Variants in NEK1 observed in about 807,000 individuals in gnomAD.
NEK1 encodes the protein NIMA related kinase 1.
In NEK1, 137 loss-of-function variants were observed where a neutral mutation model predicts 182.1. The observed-to-expected ratio is 0.75, with a 90% CI of 0.65 to 0.87. The LOEUF (loss-of-function observed/expected upper bound fraction) is 0.87. Among genes scored for constraint, NEK1 ranks in the 40% least tolerant of loss-of-function variants. NEK1 has a pLI of 0.00. For missense variants in NEK1, 1,391 were observed against 1,494.4 expected (o/e 0.93, Z 1.14); for synonymous variants, 513 against 492.2 (o/e 1.04, Z -0.56).
Position 169,588,710 on chromosome 4 carries a change from T to G in NEK1, c.490A>C (p.Ile164Leu). 6.5e-7 allele frequency: 1 copy of G among 1,549,960 alleles called. No individual in the cohort carries two copies. ...NSTVELARTC[I>L]GTPYYLSPEI... ...GGTGACAAGTAGTATGGGGTCCCTA[T>G]GCAAGTTCGAGCCAGCTCTACAGTA... Residue 164 changes from isoleucine to leucine, a missense_variant, in exon 8 of 36, where the codon ATA becomes CTA. Ile to Leu is a conservative substitution (Grantham distance 5). This residue lies in a region of NEK1 where 14 missense variants were observed against 34.5 expected (regional missense o/e 0.41). Coordinates refer to ENST00000507142, the MANE Select transcript of NEK1 (RefSeq NM_001199397.3).
At chr4:169,557,762 A>G (rs753579644) in intron 16 of NEK1, among the ~76,000 whole-genome samples, 13 of 151,974 alleles carry the variant, frequency 8.6e-5, no homozygotes, top group Non-Finnish European at 1.8e-4. Flanking sequence ...GCGAAACAAC[A>G]TCCCTGCAAA....
At chr4:169,550,589 G>A (rs1761279679) in intron 18 of NEK1, among the ~76,000 whole-genome samples, 1 of 152,124 alleles carries the variant, frequency 6.6e-6, no homozygotes, top group African/African-American at 2.4e-5. Flanking sequence ...ATGATTAAAT[G>A]AGTTAATAAT....
At chr4:169,481,815 G>A (rs953435290) in intron 23 of NEK1, among the ~76,000 whole-genome samples, 3 of 152,174 alleles carry the variant, frequency 2.0e-5, no homozygotes, top group Admixed American at 6.5e-5. Context: ...CCCAACAAGA[G>A]AGTCAGCCAG....
At chr4:169,562,609 G>C (rs980893985) in intron 12 of NEK1, among the ~76,000 whole-genome samples, 2 of 152,036 alleles carry the variant, frequency 1.3e-5, no homozygotes, top group Non-Finnish European at 2.9e-5. Context: ...CACCTCCAGA[G>C]TAACGGTAAC....
intron 27 of NEK1, among the ~76,000 whole-genome samples, chr4:169,462,663 C>T (rs1357611601): frequency 2.6e-5 from 4 of 152,070 alleles, no homozygotes; most frequent in African/African-American, 9.7e-5. Flanking sequence ...AACACACACT[C>T]CTGCCTAGAC....
intron 28 of NEK1, among the ~76,000 whole-genome samples, chr4:169,437,416 G>A (rs1738618810): frequency 6.6e-6 from 1 of 152,100 alleles, no homozygotes; most frequent in African/African-American, 2.4e-5. Context: ...TTTGGTCAGA[G>A]GGCAGACTAT....
At chr4:169,607,608 G>A (rs1291574697) in intron 2 of NEK1, among the ~76,000 whole-genome samples, 11 of 151,940 alleles carry the variant, frequency 7.2e-5, no homozygotes, top group African/African-American at 2.2e-4. Flanking sequence ...GACTACAGGC[G>A]CCTGCCACCA....
chr4:169,523,458 A>C (rs1756415505), intron 19 of NEK1, among the ~76,000 whole-genome samples: 1 of 152,240 alleles, frequency 6.6e-6, no homozygotes, highest in South Asian at 2.1e-4. Flanking sequence ...GGCAGAGATC[A>C]GGATGCTGAT....
At chr4:169,604,821 G>C (rs1281156760) in intron 2 of NEK1, among the ~76,000 whole-genome samples, 1 of 152,132 alleles carries the variant, frequency 6.6e-6, no homozygotes, top group Non-Finnish European at 1.5e-5. Context: ...TAGAAAACAA[G>C]ATTGCCTTTA....
chr4:169,396,394 A>AAAAAAAAAAAAAAG (rs1561111795), intron 35 of NEK1, among the ~76,000 whole-genome samples: 1 of 142,288 alleles, frequency 7.0e-6, no homozygotes, highest in African/African-American at 2.7e-5. Flanking sequence ...AAAAAAAAAA[A>AAAAAAAAAAAAAAG]AAGAAGAATC....
At chr4:169,590,277 C>G (rs1350760231) in intron 6 of NEK1, among the ~76,000 whole-genome samples, 1 of 152,136 alleles carries the variant, frequency 6.6e-6, no homozygotes, top group Non-Finnish European at 1.5e-5. Context: ...CCACTGCACT[C>G]CAGCCTGGGC....
intron 6 of NEK1, among the ~76,000 whole-genome samples, chr4:169,589,739 G>C (rs1343048069): frequency 6.6e-6 from 1 of 152,030 alleles, no homozygotes; most frequent in Non-Finnish European, 1.5e-5. Flanking sequence ...AAAACTCCTA[G>C]AGAAAAACAT....
intron 12 of NEK1, among the ~76,000 whole-genome samples, chr4:169,574,530 C>T (rs1765384518): frequency 2.0e-5 from 3 of 151,998 alleles, no homozygotes; most frequent in Admixed American, 6.6e-5. Context: ...TGGCGTGAAC[C>T]CGCGAGGCGG....
At chr4:169,485,983 T>C (rs534274754) in intron 23 of NEK1, among the ~76,000 whole-genome samples, 2 of 152,168 alleles carry the variant, frequency 1.3e-5, no homozygotes, top group African/African-American at 2.4e-5. Context: ...CAGGTCGAAA[T>C]TGCAGAGAGC....
chr4:169,497,825 C>T (rs1250001102), intron 23 of NEK1, among the ~76,000 whole-genome samples: 3 of 152,084 alleles, frequency 2.0e-5, no homozygotes, highest in Non-Finnish European at 4.4e-5. Context: ...TTACTTCCAA[C>T]TATGTGGTCA....
chr4:169,515,353 G>C lies in NEK1; in HGVS notation c.1666-6501C>G, dbSNP rs971218732. Among the ~76,000 whole-genome samples, 3 of 152,168 alleles carry C rather than the reference G, an allele frequency of 2.0e-5. No homozygotes were observed. In the South Asian group the frequency reaches 6.2e-4, roughly 31 times the overall value. ...ATCCTTGCTGATTTTCTGTCTAGTA[G>C]TTCTATCAATTGCTGAGAGCAGGAT... On this transcript the variant is annotated intron_variant, in intron 19 of 35. Coordinates refer to ENST00000507142, the MANE Select transcript of NEK1 (RefSeq NM_001199397.3).
At chr4:169,603,974 T>A (rs1770922692) in intron 2 of NEK1, among the ~76,000 whole-genome samples, 1 of 152,180 alleles carries the variant, frequency 6.6e-6, no homozygotes, top group Non-Finnish European at 1.5e-5. Flanking sequence ...GTGCTGAGAT[T>A]AGAGGTGTGA....
chr4:169,505,122 T>A (rs1335686128), intron 23 of NEK1, among the ~76,000 whole-genome samples: 2 of 152,170 alleles, frequency 1.3e-5, no homozygotes, highest in Admixed American at 1.3e-4. Context: ...CAGGTTCAAA[T>A]CTTTGTTCTG....
intron 2 of NEK1, among the ~76,000 whole-genome samples, chr4:169,607,623 C>T (rs1474457646): frequency 4.6e-5 from 7 of 151,898 alleles, no homozygotes; most frequent in East Asian, 3.9e-4. Flanking sequence ...CCACCACGCC[C>T]GGCTAATTTT....
Sources: allele counts gnomAD v4.1 joint callset (sites outside exome capture counted in the v4.1 genomes callset), GRCh38; gene constraint gnomAD v4.1.1; regional missense constraint gnomAD v4.1.1; transcripts MANE v1.5; gene names NCBI Gene and HGNC (gene_info 2026-07-23, HGNC 2026-07-21).